The following CRYM variants were observed in gnomAD, a reference collection of about 807,000 sequenced individuals.
CRYM encodes the protein crystallin mu.
Under a neutral mutation model 32.9 loss-of-function variants are expected in CRYM, and 18 were observed. The observed-to-expected ratio is 0.55, with a 90% CI of 0.38 to 0.81. CRYM has a LOEUF of 0.81. Ranked by LOEUF, CRYM falls within the 30% of genes least tolerant of loss-of-function variation. The pLI, the probability that CRYM is intolerant of heterozygous loss-of-function variation, is 0.00. For synonymous variants in CRYM, 153 were observed against 152.4 expected, an observed-to-expected ratio of 1.00 and a Z score of -0.03; for missense variants, 337 against 393.5, an observed-to-expected ratio of 0.86 and a Z score of 1.21.
At chr16:21,295,929 G>A (rs117104894) in intron 1 of CRYM, among the ~76,000 whole-genome samples, 2,513 of 149,484 alleles carry the variant, frequency 0.017, 89 homozygotes, top group East Asian at 0.082. Flanking sequence ...TCAAGACTCC[G>A]TCTAAAAAAA....
In CRYM at chr16:21,267,694, G is replaced by T. The variant is rs772997469; in HGVS notation, c.533C>A (p.Ala178Glu). The T allele has an allele frequency of 5.0e-6, 8 of 1,614,178 alleles. No homozygotes were observed. In the Admixed American group the frequency reaches 1.3e-4, roughly 27 times the overall value. ...CCGTACCTCTCCTTGCACTGTGTCT[G>T]CAAACTTCTCTGCATTTTCTTTGGT... ...NRTKENAEKF[A>E]DTVQGEVRVC... The change falls in exon 5 of 8, where the codon GCA becomes GAA. Residue 178 changes from alanine to glutamate, a missense_variant. Physicochemically the swap from Ala to Glu is moderately radical, Grantham distance 107. Transcript: ENST00000572914.
intron 1 of CRYM, among the ~76,000 whole-genome samples, chr16:21,290,523 A>C (rs1479653225): frequency 6.6e-6 from 1 of 152,206 alleles, no homozygotes; most frequent in African/African-American, 2.4e-5. Context: ...TCTTTCTTGA[A>C]GTCAGCGAGA....
intron 1 of CRYM, among the ~76,000 whole-genome samples, chr16:21,289,605 T>C (rs539709054): frequency 2.0e-5 from 3 of 152,296 alleles, no homozygotes; most frequent in Non-Finnish European, 4.4e-5. Context: ...ACTTCTACCA[T>C]TTTGTCATAA....
chr16:21,280,984 A>C (rs1395204207), upstream of CRYM, among the ~76,000 whole-genome samples: 1 of 151,986 alleles, frequency 6.6e-6, no homozygotes, highest in African/African-American at 2.4e-5. Context: ...ATGTGCCTGT[A>C]ATCCCAGCTA....
chr16:21,260,789 A>T lies in CRYM; in HGVS notation c.880+465T>A, dbSNP rs759809768. Among the ~76,000 whole-genome samples the T allele has an allele frequency of 2.0e-4, 30 of 152,164 alleles. 1 individual carries two copies. The highest frequency in any genetic ancestry group is 4.4e-5 in the Non-Finnish European group (3 of 68,016). The stretch of plus-strand genomic sequence containing the variant: ...AAGTGGGAGAGTAGGGAAGGAGGGA[A>T]TGAACAGGGCTTAGGCTATACTTTC... On this transcript the variant is annotated intron_variant, in intron 7 of 7. Coordinates refer to ENST00000572914, the MANE Select transcript of CRYM (RefSeq NM_001376256.1).
At chr16:21,266,922 GC>G (rs2093364890) in intron 5 of CRYM, among the ~76,000 whole-genome samples, 1 of 151,764 alleles carries the variant, frequency 6.6e-6, no homozygotes, top group African/African-American at 2.4e-5. Context: ...TGGGAGAATC[GC>G]TTGAACCCAG....
chr16:21,279,444 C>T (rs1311470219), upstream of CRYM, among the ~76,000 whole-genome samples: 1 of 152,142 alleles, frequency 6.6e-6, no homozygotes, highest in Non-Finnish European at 1.5e-5. Context: ...AAGTAAAGCC[C>T]TGAGGTGGAA....
intron 1 of CRYM, among the ~76,000 whole-genome samples, chr16:21,299,623 A>C (rs1316018896): frequency 6.6e-6 from 1 of 152,224 alleles, no homozygotes; most frequent in Non-Finnish European, 1.5e-5. Context: ...TTAGACTTTT[A>C]GAAGGCTCAG....
At chr16:21,279,323 C>T (rs2093394048), upstream of CRYM, among the ~76,000 whole-genome samples, 1 of 152,190 alleles carries the variant, frequency 6.6e-6, no homozygotes. Flanking sequence ...AGTTCAAGGT[C>T]ATCCACCAAG....
chr16:21,279,250 A>G (rs2093393837), upstream of CRYM, among the ~76,000 whole-genome samples: 1 of 152,156 alleles, frequency 6.6e-6, no homozygotes, highest in African/African-American at 2.4e-5. Context: ...ACAACCTCTA[A>G]GGTAGGGAGG....
At chr16:21,269,701 C>T in intron 4 of CRYM, 89 bp downstream of exon 4, 1 of 888,674 alleles carries the variant, frequency 1.1e-6, no homozygotes, top group South Asian at 1.4e-5. Flanking sequence ...TTAATTATTT[C>T]AGAATAACCT....
intron 1 of CRYM, among the ~76,000 whole-genome samples, chr16:21,287,653 A>G (rs2093409677): frequency 1.3e-5 from 2 of 152,214 alleles, no homozygotes; most frequent in African/African-American, 4.8e-5. Flanking sequence ...TCATGATTAC[A>G]TAATGAAGTC....
intron 3 of CRYM, among the ~76,000 whole-genome samples, chr16:21,274,883 G>A (rs761878406): frequency 1.3e-5 from 2 of 152,220 alleles, no homozygotes; most frequent in Non-Finnish European, 2.9e-5. Context: ...TGGGATTACA[G>A]GCGTGAGCCA....
At chr16:21,287,753 C>T (rs2152864521) in intron 1 of CRYM, among the ~76,000 whole-genome samples, 1 of 152,338 alleles carries the variant, frequency 6.6e-6, no homozygotes, top group South Asian at 2.1e-4. Context: ...CTGGAGAGGG[C>T]ACAGAAGCTC....
intron 1 of CRYM, among the ~76,000 whole-genome samples, chr16:21,298,032 C>T (rs1960824351): frequency 6.6e-6 from 1 of 152,134 alleles, no homozygotes; most frequent in Non-Finnish European, 1.5e-5. Context: ...CAGTGTCTGC[C>T]TTGTATAAGT....
chr16:21,277,453 G>A lies in CRYM; in HGVS notation c.302C>T (p.Pro101Leu), dbSNP rs754008913. ...CACCGCCAGCAGGGTGCCATTGCTG[G>A]GCTCAAAGAGTAGCACAGTAGCCTG... The part of the protein sequence containing the change: ...SHQATVLLFE[P>L]SNGTLLAVMD... Residue 101 changes from proline (P) to leucine (L), a missense_variant, in exon 2 of 8, where the codon CCC (proline) becomes CTC (leucine). Coordinates refer to ENST00000572914, the MANE Select transcript of CRYM (RefSeq NM_001376256.1). This position sits in a 1 kb window ranked among gnomAD's most constrained non-coding sequence, Gnocchi z 4.2. 6.2e-7 allele frequency: 1 copy of A among 1,613,482 alleles called. No homozygotes were observed. Among genetic ancestry groups the A allele is most frequent in the East Asian group, 2.2e-5 (1 of 44,898 alleles).
chr16:21,259,360 G>A (rs998830886), intron 7 of CRYM, among the ~76,000 whole-genome samples: 2 of 151,338 alleles, frequency 1.3e-5, no homozygotes, highest in Non-Finnish European at 2.9e-5. Context: ...CGCCCACCTC[G>A]GCCTCCCAAA....
chr16:21,271,627 A>C (rs1291490408), intron 3 of CRYM, among the ~76,000 whole-genome samples: 1 of 152,182 alleles, frequency 6.6e-6, no homozygotes, highest in Admixed American at 6.5e-5. Context: ...CAAGACTAGA[A>C]ATCTTATGTT....
At chr16:21,259,627 C>G (rs1003357361) in intron 7 of CRYM, among the ~76,000 whole-genome samples, 1 of 152,168 alleles carries the variant, frequency 6.6e-6, no homozygotes, top group African/African-American at 2.4e-5. Context: ...TTTCTCCCCC[C>G]ATTCATTTGA....
Sources: allele counts gnomAD v4.1 joint callset (sites outside exome capture counted in the v4.1 genomes callset), GRCh38; gene constraint gnomAD v4.1.1; non-coding constraint Gnocchi (gnomAD v3.1); transcripts MANE v1.5; gene names NCBI Gene and HGNC (gene_info 2026-07-23, HGNC 2026-07-21).